Variants in FSTL5 observed in about 807,000 individuals in gnomAD.
The protein encoded by FSTL5 is follistatin like 5.
Under a neutral mutation model 89.1 loss-of-function variants are expected in FSTL5, and 62 were observed. That is an observed-to-expected ratio of 0.70 (90% CI 0.57 to 0.86). FSTL5 has a LOEUF of 0.86. FSTL5 is among the 40% of genes least tolerant of loss of function. FSTL5 has a pLI of 0.00. For missense variants in FSTL5, 1,057 were observed against 1,001.6 expected, an observed-to-expected ratio of 1.06 and a Z score of -0.75; for synonymous variants, 383 against 346.2, an observed-to-expected ratio of 1.11 and a Z score of -1.18.
intron 13 of FSTL5, among the ~76,000 whole-genome samples, chr4:161,467,612 A>G (rs1733790635): frequency 6.6e-6 from 1 of 152,142 alleles, no homozygotes; most frequent in Non-Finnish European, 1.5e-5. Flanking sequence ...AAATTCTAAA[A>G]GATGAATGAT....
intron 8 of FSTL5, among the ~76,000 whole-genome samples, chr4:161,545,308 T>C (rs900591030): frequency 2.6e-5 from 4 of 152,044 alleles, no homozygotes; most frequent in African/African-American, 9.7e-5. Flanking sequence ...ATCAAAGGTA[T>C]TTTATTTCTG....
At chr4:161,402,444 G>A (rs924572581) in intron 15 of FSTL5, among the ~76,000 whole-genome samples, 2 of 152,058 alleles carry the variant, frequency 1.3e-5, no homozygotes, top group South Asian at 2.1e-4. Context: ...ATGCCACATT[G>A]TGTTTTCTTT....
At chr4:161,813,625 C>T (rs1051404182) in intron 4 of FSTL5, among the ~76,000 whole-genome samples, 7 of 152,154 alleles carry the variant, frequency 4.6e-5, no homozygotes, top group African/African-American at 1.2e-4. Context: ...TGTGTTGTAT[C>T]GCCACAGGCT....
intron 3 of FSTL5, among the ~76,000 whole-genome samples, chr4:161,952,754 A>C (rs1422034104): frequency 6.6e-6 from 1 of 151,918 alleles, no homozygotes; most frequent in African/African-American, 2.4e-5. Context: ...TCGGGTATTA[A>C]TTGAGACCTT....
At chr4:162,162,119 A>G (rs1733717924) in intron 1 of FSTL5, among the ~76,000 whole-genome samples, 1 of 152,102 alleles carries the variant, frequency 6.6e-6, no homozygotes, top group Non-Finnish European at 1.5e-5. Flanking sequence ...ATTTGCAACA[A>G]TATGCATTGC....
chr4:161,635,771 A>T (rs1449984188), intron 7 of FSTL5, among the ~76,000 whole-genome samples: 5 of 152,206 alleles, frequency 3.3e-5, no homozygotes, highest in African/African-American at 4.8e-5. Context: ...AAGAAATGTT[A>T]TATATCATGA....
At chr4:161,424,024 C>CTTTTTT (rs11287729) in intron 15 of FSTL5, among the ~76,000 whole-genome samples, 5 of 75,376 alleles carry the variant, frequency 6.6e-5, no homozygotes, top group African/African-American at 1.1e-4. Context: ...GCCCATCATT[C>CTTTTTT]TTTTTTTTTT....
intron 11 of FSTL5, among the ~76,000 whole-genome samples, chr4:161,503,786 C>G (rs1730382655): frequency 6.6e-6 from 1 of 151,978 alleles, no homozygotes; most frequent in Non-Finnish European, 1.5e-5. Context: ...ACACTCACTC[C>G]CAAAAAACTT....
At chr4:161,633,344 G>A (rs1735566679) in intron 7 of FSTL5, among the ~76,000 whole-genome samples, 1 of 142,296 alleles carries the variant, frequency 7.0e-6, no homozygotes, top group African/African-American at 2.6e-5. Context: ...ACATTTTAGG[G>A]TACATGTGCA....
At chr4:161,808,191 A>C (rs1730025696) in intron 4 of FSTL5, among the ~76,000 whole-genome samples, 1 of 152,196 alleles carries the variant, frequency 6.6e-6, no homozygotes, top group Admixed American at 6.5e-5. Context: ...GAAAATAATA[A>C]CAGGATACAT....
rs114851688 is a variant in FSTL5, at chr4:161,742,498, T to G, written c.727+16913A>C. Among the ~76,000 whole-genome samples, 833 of 152,334 alleles carry G rather than the reference T, an allele frequency of 5.5e-3. 7 individuals carry two copies. The highest frequency in any genetic ancestry group is 0.019 in the African/African-American group (776 of 41,576). On this transcript the variant is annotated intron_variant, in intron 6 of 15. Transcript: ENST00000306100. ...AGGGAGAGAATTTTTTAAAATATTA[T>G]TATTGCTGTAGCAACTGGGTATAAA...
intron 4 of FSTL5, among the ~76,000 whole-genome samples, chr4:161,826,991 T>A (rs1400827024): frequency 1.3e-5 from 2 of 152,172 alleles, no homozygotes; most frequent in African/African-American, 2.4e-5. Context: ...CCTGTGAGAT[T>A]TATGCTTTAA....
intron 4 of FSTL5, among the ~76,000 whole-genome samples, chr4:161,846,788 G>T (rs1042303030): frequency 6.6e-6 from 1 of 152,046 alleles, no homozygotes; most frequent in Non-Finnish European, 1.5e-5. Flanking sequence ...TCTGCTCCAG[G>T]ACCATTACCA....
At chr4:161,580,359 G>C (rs1458907545) in intron 8 of FSTL5, among the ~76,000 whole-genome samples, 1 of 152,156 alleles carries the variant, frequency 6.6e-6, no homozygotes, top group Non-Finnish European at 1.5e-5. Context: ...TTGTTATTAA[G>C]TGAAGAACTT....
chr4:161,853,674 G>C (rs1035172596), intron 4 of FSTL5, among the ~76,000 whole-genome samples: 4 of 151,950 alleles, frequency 2.6e-5, no homozygotes, highest in African/African-American at 9.7e-5. Context: ...CACTATAATA[G>C]TTTGATATTA....
chr4:161,721,088 C>A (rs1331363925), intron 6 of FSTL5, among the ~76,000 whole-genome samples: 1 of 151,220 alleles, frequency 6.6e-6, no homozygotes, highest in Non-Finnish European at 1.5e-5. Context: ...ACCATCCTGG[C>A]TAACAAGGTG....
At chr4:161,681,933 G>A (rs1038000981) in intron 6 of FSTL5, among the ~76,000 whole-genome samples, 11 of 152,208 alleles carry the variant, frequency 7.2e-5, no homozygotes, top group Non-Finnish European at 1.6e-4. Context: ...ACATCACAGA[G>A]TATACTTACA....
At chr4:162,096,096 T>A (rs1730739658) in intron 2 of FSTL5, among the ~76,000 whole-genome samples, 1 of 152,000 alleles carries the variant, frequency 6.6e-6, no homozygotes, top group Non-Finnish European at 1.5e-5. Flanking sequence ...TAACTTCCAG[T>A]GATGCTTTTG....
intron 15 of FSTL5, among the ~76,000 whole-genome samples, chr4:161,419,868 AGGG>A (rs1731922001): frequency 6.6e-6 from 1 of 152,194 alleles, no homozygotes; most frequent in Non-Finnish European, 1.5e-5. Flanking sequence ...TTAATTGCAG[AGGG>A]AGGAATGCTT....
Sources: gnomAD v4.1 joint callset for allele counts (sites outside exome capture counted in the v4.1 genomes callset) on GRCh38, gnomAD v4.1.1 for gene constraint, MANE v1.5 for transcripts, NCBI Gene and HGNC (gene_info 2026-07-23, HGNC 2026-07-21) for gene names.